Variants in CDC16 observed in about 807,000 individuals in gnomAD.
CDC16 encodes the protein cell division cycle 16.
Under a neutral mutation model 87.0 loss-of-function variants are expected in CDC16, and 34 were observed. The ratio of observed to expected loss-of-function variants is 0.39; its 90% CI spans 0.30 to 0.52. CDC16 has a LOEUF of 0.52. Among genes scored for constraint, CDC16 ranks in the 20% least tolerant of loss-of-function variants. The probability of loss-of-function intolerance (pLI) is 0.74; values close to 1 mark genes in which losing one functional copy is unlikely to be tolerated. For synonymous variants in CDC16, 263 were observed against 260.6 expected (o/e 1.01, Z -0.09); for missense variants, 653 against 751.9 (o/e 0.87, Z 1.54).
chr13:114,266,774 A>C (rs1272269142), intron 17 of CDC16, among the ~76,000 whole-genome samples: 1 of 151,964 alleles, frequency 6.6e-6, no homozygotes, highest in African/African-American at 2.4e-5. Context: ...GCTCACTGCA[A>C]GCTCCCCCTC....
At chr13:114,266,879 G>A (rs1375483130) in intron 17 of CDC16, among the ~76,000 whole-genome samples, 2 of 151,718 alleles carry the variant, frequency 1.3e-5, no homozygotes, top group South Asian at 2.1e-4. Flanking sequence ...TGTATTTTTA[G>A]TAGTGATGGG....
At chr13:114,263,099 G>T in intron 16 of CDC16, 85 bp downstream of exon 16, 2 of 1,203,622 alleles carry the variant, frequency 1.7e-6, no homozygotes, top group South Asian at 2.6e-5. Context: ...AGGTAATATT[G>T]ACTTACTATT....
intron 17 of CDC16, among the ~76,000 whole-genome samples, chr13:114,270,510 T>C (rs1335223271): frequency 1.3e-5 from 2 of 152,194 alleles, no homozygotes; most frequent in Non-Finnish European, 2.9e-5. Flanking sequence ...TTGGTAGCGA[T>C]AGAAAAGTCC....
intron 11 of CDC16, among the ~76,000 whole-genome samples, chr13:114,247,461 C>T (rs2081935273): frequency 6.6e-6 from 1 of 151,832 alleles, no homozygotes; most frequent in African/African-American, 2.4e-5. Flanking sequence ...AGCCACCATG[C>T]CTGGCTGAAT....
In CDC16 at chr13:114,272,525, A is replaced by G. The variant is rs2083755402; in HGVS notation, c.*82A>G. 3 of 1,264,442 alleles carry G rather than the reference A, an allele frequency of 2.4e-6. No homozygotes were observed. The South Asian group carries it at 4.3e-5, about 18-fold the overall frequency. 78.3% of individuals were successfully genotyped at this position (1,264,442 alleles called of 1,614,324 possible). Reference sequence around the variant, plus strand: ...CCTCTCCATGGCTTAAGAATGTCCCACTTCCTAACGTGACTCCAAACTGCA... The same window carrying G: ...CCTCTCCATGGCTTAAGAATGTCCCGCTTCCTAACGTGACTCCAAACTGCA... On this transcript the variant is annotated 3_prime_UTR_variant, in exon 18 of 18. Transcript: ENST00000356221.
intron 3 of CDC16, 149 bp downstream of exon 3, chr13:114,237,045 TGAAA>T: frequency 2.0e-6 from 1 of 489,712 alleles, no homozygotes; most frequent in Non-Finnish European, 3.5e-6. Context: ...ACCAAGATGG[TGAAA>T]CCCCATCTCC....
At position 114,257,175 on chromosome 13, in the gene CDC16, C is replaced by G. The variant is rs760691458; in HGVS notation, c.1195C>G (p.Pro399Ala). The change falls in exon 13 of 18, where the codon CCG becomes GCG. Residue 399 changes from proline to alanine, a missense_variant. Transcript: ENST00000356221. ...RFFSQALSIA[P>A]EDPFVMHEVG... ...CTTCAGCCAAGCTCTGAGCATTGCA[C>G]CGGAAGACCCTTTTGTTATGCATGA... The G allele has an allele frequency of 1.9e-5, 30 of 1,613,248 alleles. No individual in the cohort carries two copies. Among genetic ancestry groups the G allele is most frequent in the Non-Finnish European group, 2.5e-5 (29 of 1,179,488 alleles).
At chr13:114,246,859 C>G (rs1269566942) in intron 10 of CDC16, 72 bp from the exon 11 acceptor site, 1 of 908,712 alleles carries the variant, frequency 1.1e-6, no homozygotes, top group Non-Finnish European at 1.9e-6. Context: ...TCTGTCTACC[C>G]TAATTTGTTG....
chr13:114,257,235 G>A lies in CDC16; in HGVS notation c.1250+5G>A. 1 of 1,591,794 alleles carries A rather than the reference G, an allele frequency of 6.3e-7. No homozygotes were observed. Among genetic ancestry groups the A allele is most frequent in the Non-Finnish European group, 8.6e-7 (1 of 1,165,120 alleles). The stretch of plus-strand genomic sequence containing the variant: ...GGTTGCATTTCAGAATGGAGAGTAA[G>A]TACTGGAAGACCAGAAACCCTTCTG... On this transcript the variant is annotated splice_donor_5th_base_variant and intron_variant, in intron 13 of 17. Transcript: ENST00000356221.
intron 5 of CDC16, 30 bp from the exon 6 acceptor site, chr13:114,242,091 T>C: frequency 1.3e-6 from 2 of 1,580,608 alleles, no homozygotes; most frequent in Non-Finnish European, 1.7e-6. Context: ...AAGTACTGAC[T>C]TAATATGTGA....
chr13:114,247,478 T>G (rs2081935958), intron 11 of CDC16, among the ~76,000 whole-genome samples: 1 of 152,056 alleles, frequency 6.6e-6, no homozygotes, highest in Non-Finnish European at 1.5e-5. Flanking sequence ...GAATAAATGT[T>G]TTCTTCAAGT....
intron 17 of CDC16, among the ~76,000 whole-genome samples, chr13:114,269,031 AC>A (rs1247617391): frequency 6.6e-6 from 1 of 152,048 alleles, no homozygotes; most frequent in East Asian, 1.9e-4. Context: ...TTGCTGCCTA[AC>A]CACTCCAAAA....
chr13:114,271,636 G>A (rs924195483), intron 17 of CDC16, among the ~76,000 whole-genome samples: 3 of 151,520 alleles, frequency 2.0e-5, no homozygotes, highest in Non-Finnish European at 2.9e-5. Flanking sequence ...CACCATGCCC[G>A]GCTAATTTTT....
In CDC16 at chr13:114,234,996, C is replaced by G; in HGVS notation, c.-89C>G. The G allele has an allele frequency of 9.2e-7, 1 of 1,082,652 alleles. No individual in the cohort carries two copies. Among genetic ancestry groups the G allele is most frequent in the Admixed American group, 4.3e-5 (1 of 23,284 alleles). 67.1% of individuals were successfully genotyped at this position (1,082,652 alleles called of 1,614,324 possible). A position where few individuals can be genotyped will look rare whatever the true frequency, so the allele number is the denominator to read the frequency against. Reference sequence around the variant, plus strand: ...CTGGGGCGGCGGCGGCGGCTGCAGGCACGGGCACGGGCACGGGGCGGGGTG... The same window carrying G: ...CTGGGGCGGCGGCGGCGGCTGCAGGGACGGGCACGGGCACGGGGCGGGGTG... On this transcript the variant is annotated 5_prime_UTR_variant, in exon 1 of 18. Coordinates refer to ENST00000356221, the MANE Select transcript of CDC16 (RefSeq NM_001078645.3).
intron 14 of CDC16, among the ~76,000 whole-genome samples, chr13:114,260,012 A>G (rs1384013562): frequency 6.6e-6 from 1 of 152,220 alleles, no homozygotes; most frequent in East Asian, 1.9e-4. Flanking sequence ...ACAGTTTTAG[A>G]TACCATAAAC....
chr13:114,246,897 A>G (rs774055135), intron 10 of CDC16, 34 bp from the exon 11 acceptor site: 2 of 1,369,432 alleles, frequency 1.5e-6, no homozygotes, highest in South Asian at 2.3e-5. Context: ...TTCCAATTCC[A>G]ATCTTTGTTT....
At chr13:114,260,542 GAA>G (rs1270169760) in intron 14 of CDC16, among the ~76,000 whole-genome samples, 1 of 152,208 alleles carries the variant, frequency 6.6e-6, no homozygotes, top group East Asian at 1.9e-4. Flanking sequence ...ATCACGCACA[GAA>G]AAGTTTTGAG....
rs541452488 is a variant in CDC16 at position 114,239,584 on chromosome 13, A to G, written c.381+94A>G. 257 of 1,305,782 alleles carry G rather than the reference A, an allele frequency of 2.0e-4. 4 individuals carry two copies. The South Asian group carries it at 6.4e-3, about 33-fold the overall frequency. 80.9% of individuals were successfully genotyped at this position (1,305,782 alleles called of 1,614,324 possible). A position where few individuals can be genotyped will look rare whatever the true frequency, so the allele number is the denominator to read the frequency against. ...ATTATCTTCTTTTACTTATTACTAT[A>G]TTAAAACAATTGTGGTTGCCAATTT... On this transcript the variant is annotated intron_variant, in intron 5 of 17. Transcript: ENST00000356221.
At chr13:114,248,634 T>C (rs1435383190) in intron 11 of CDC16, among the ~76,000 whole-genome samples, 1 of 151,910 alleles carries the variant, frequency 6.6e-6, no homozygotes, top group Non-Finnish European at 1.5e-5. Context: ...TGAGCTGAGA[T>C]TGCACTACTG....
Sources: gnomAD v4.1 joint callset for allele counts (sites outside exome capture counted in the v4.1 genomes callset) on GRCh38, gnomAD v4.1.1 for gene constraint, MANE v1.5 for transcripts, NCBI Gene and HGNC (gene_info 2026-07-23, HGNC 2026-07-21) for gene names.